SEC14L6: variants seen among roughly 807,000 people sequenced by gnomAD.
SEC14L6 encodes the protein SEC14 like lipid binding 6, also known as SEC14-like protein 6.
SEC14L6 carries 40 observed loss-of-function variants against 54.1 expected under a neutral mutation model. That is an observed-to-expected ratio of 0.74 (90% confidence interval 0.57 to 0.96). The LOEUF is 0.96. Ranked by LOEUF, SEC14L6 falls within the 40% of genes least tolerant of loss-of-function variation. The pLI is 0.00. For missense variants in SEC14L6, 471 were observed against 498.3 expected, an observed-to-expected ratio of 0.95 and a Z score of 0.52; for synonymous variants, 171 against 198.4, an observed-to-expected ratio of 0.86 and a Z score of 1.16.
At chr22:30,529,741 G>T (rs1208997220) in intron 6 of SEC14L6, among the ~76,000 whole-genome samples, 1 of 152,178 alleles carries the variant, frequency 6.6e-6, no homozygotes, top group Non-Finnish European at 1.5e-5. Flanking sequence ...ACCGCACCTG[G>T]CCTAGTGCCG....
chr22:30,540,064 A>G (rs1306889355), intron 1 of SEC14L6, among the ~76,000 whole-genome samples: 5 of 152,228 alleles, frequency 3.3e-5, no homozygotes, highest in Admixed American at 3.3e-4. Context: ...TTTGGGCCCC[A>G]GATGGATCCT....
At chr22:30,542,308 C>G (rs1416719387) in intron 1 of SEC14L6, among the ~76,000 whole-genome samples, 1 of 152,178 alleles carries the variant, frequency 6.6e-6, no homozygotes, top group Non-Finnish European at 1.5e-5. Flanking sequence ...ACCCCCCCAC[C>G]CCCGCGCCTC....
intron 1 of SEC14L6, among the ~76,000 whole-genome samples, chr22:30,542,239 G>A (rs968537452): frequency 6.6e-6 from 1 of 152,166 alleles, no homozygotes; most frequent in African/African-American, 2.4e-5. Flanking sequence ...ACCCCCAAGA[G>A]GGGCCTTCAG....
Position 30,532,721 on chromosome 22 carries a change from C to CATACACAGGAG in SEC14L6, c.235-19_235-9dup, listed in dbSNP as rs1568968293. ...GTTGTACAGCCTGACCACCTGGATGCATACACAGGAGACGGGGGTTCAGTG... is the reference window on the plus strand; with the variant it reads ...GTTGTACAGCCTGACCACCTGGATGCATACACAGGAGATACACAGGAGACGGGGGTTCAGTG... On this transcript the variant is annotated splice_polypyrimidine_tract_variant and intron_variant, in intron 4 of 11. Coordinates refer to ENST00000402034, the MANE Select transcript of SEC14L6 (RefSeq NM_001193336.4). 6.3e-7 allele frequency: 1 copy of CATACACAGGAG among 1,578,834 alleles called. No individual in the cohort carries two copies. The highest frequency in any genetic ancestry group is 1.9e-5 in the Admixed American group (1 of 53,278).
In SEC14L6 at chr22:30,525,011, T is replaced by A; in HGVS notation, c.1180A>T (p.Met394Leu). The A allele has an allele frequency of 6.5e-7, 1 of 1,529,262 alleles. No homozygotes were observed. The highest frequency in any genetic ancestry group is 8.9e-7 in the Non-Finnish European group (1 of 1,127,560). 94.7% of individuals were successfully genotyped at this position (1,529,262 alleles called of 1,614,324 possible). ...ATGAGGTTCACCTAGAATTTCTCCA[T>A]CTTCTCCATGAAGGTTTGGTCTGGG... ...LLPDQTFMEK[M>L]EKF is the part of the protein sequence containing the mutation. The change falls in exon 12 of 12, where the codon ATG becomes TTG. Residue 394 changes from methionine to leucine, a missense_variant. Met to Leu is a conservative substitution (Grantham distance 15). Coordinates refer to ENST00000402034, the MANE Select transcript of SEC14L6 (RefSeq NM_001193336.4).
Position 30,525,366 on chromosome 22 carries a change from G to T in SEC14L6, c.1065C>A (p.Cys355Ter). 6.2e-7 allele frequency: 1 copy of T among 1,614,164 alleles called. No homozygotes were observed. The highest frequency in any genetic ancestry group is 1.3e-5 in the African/African-American group (1 of 75,054). ...AACTCTTACAGCTGCCGGCCTGGAG[G>T]CAGGTGAGAATCCCATCTTCAGGCA... is the stretch of plus-strand genomic sequence containing the variant. ...HMVPEDGILTCLQAGSYVLRF... is the reference protein window; with the variant it reads ...HMVPEDGILT Residue 355 changes from cysteine (C) to a stop codon, truncating the protein, a stop_gained, in exon 11 of 12, where the codon TGC (cysteine) becomes TGA (stop). Coordinates refer to ENST00000402034, the MANE Select transcript of SEC14L6 (RefSeq NM_001193336.4). LOFTEE classifies it high-confidence loss of function.
At position 30,525,866 on chromosome 22, in the gene SEC14L6, G is replaced by A. The variant is rs138934158; in HGVS notation, c.731C>T (p.Thr244Ile). ...GGGGTTGCCATCGGGGTCAGTCATGGTCCCCCCAAACTCCACGGGCAGCTG... is the reference window on the plus strand; with the variant it reads ...GGGGTTGCCATCGGGGTCAGTCATGATCCCCCCAAACTCCACGGGCAGCTG... ...PDQLPVEFGG[T>I]MTDPDGNPKC... is the part of the protein sequence containing the mutation. Residue 244 changes from threonine to isoleucine, a missense_variant, in exon 9 of 12, where the codon ACC (threonine) becomes ATC (isoleucine). By Grantham distance (89) the Thr-to-Ile change is moderately conservative. Coordinates refer to ENST00000402034, the MANE Select transcript of SEC14L6 (RefSeq NM_001193336.4). The A allele has an allele frequency of 8.1e-5, 130 of 1,613,684 alleles. 2 individuals are homozygous for A. The East Asian group carries it at 2.1e-3, about 26-fold the overall frequency.
chr22:30,543,130 G>T, intron 1 of SEC14L6: 1 of 1,603,430 alleles, frequency 6.2e-7, no homozygotes, highest in Non-Finnish European at 8.5e-7. Flanking sequence ...GTTCAAAAAT[G>T]GGAATCAGCT....
At chr22:30,539,086 C>T (rs1399207990) in intron 1 of SEC14L6, among the ~76,000 whole-genome samples, 184 bp from the exon 2 acceptor site, 3 of 152,062 alleles carry the variant, frequency 2.0e-5, no homozygotes, top group African/African-American at 7.2e-5. Flanking sequence ...ATATAAAGAA[C>T]CAACTACAGG....
intron 2 of SEC14L6, 81 bp from the exon 3 acceptor site, chr22:30,534,120 C>T: frequency 7.4e-7 from 1 of 1,350,374 alleles, no homozygotes; most frequent in South Asian, 1.3e-5. Context: ...CCCTGCCCCA[C>T]CCTCCAGGCC....
At chr22:30,544,255 GCCACGGC>G in intron 1 of SEC14L6, 1 of 527,398 alleles carries the variant, frequency 1.9e-6, no homozygotes. Flanking sequence ...CTCTCCAGCA[GCCACGGC>G]CCCCTCTCCC....
chr22:30,527,174 A>G (rs1936805255), intron 8 of SEC14L6, among the ~76,000 whole-genome samples: 1 of 151,782 alleles, frequency 6.6e-6, no homozygotes. Context: ...ACATATCTAT[A>G]TATATGGACT....
At chr22:30,542,056 C>A (rs1483232453) in intron 1 of SEC14L6, among the ~76,000 whole-genome samples, 1 of 152,204 alleles carries the variant, frequency 6.6e-6, no homozygotes, top group Non-Finnish European at 1.5e-5. Context: ...AAAGGGCAGG[C>A]CGGTGGGCGG....
At chr22:30,536,523 C>T (rs1282263165) in intron 2 of SEC14L6, among the ~76,000 whole-genome samples, 3 of 152,126 alleles carry the variant, frequency 2.0e-5, no homozygotes, top group Non-Finnish European at 4.4e-5. Flanking sequence ...TAACCTGGTC[C>T]CCAAACTCTT....
chr22:30,536,747 G>A (rs1032271045), intron 2 of SEC14L6, among the ~76,000 whole-genome samples: 8 of 152,092 alleles, frequency 5.3e-5, no homozygotes, highest in East Asian at 1.9e-4. Flanking sequence ...ATAAATGGCC[G>A]GGCACAGTGG....
chr22:30,537,480 G>A (rs1374423795), intron 2 of SEC14L6, among the ~76,000 whole-genome samples: 2 of 152,268 alleles, frequency 1.3e-5, no homozygotes, highest in South Asian at 2.1e-4. Context: ...TTAGCCAGGC[G>A]TGGTGCCGAG....
In SEC14L6 at chr22:30,529,085, A is replaced by G; in HGVS notation, c.664+2T>C. The G allele has an allele frequency of 6.5e-7, 1 of 1,549,538 alleles. No homozygotes were observed. Among genetic ancestry groups the G allele is most frequent in the South Asian group, 1.2e-5 (1 of 83,968 alleles). ...AAAAGAGGCCGCAGAGGGCTCACTC[A>G]CCTCCGAGAATCACCACCTTCCTGC... On this transcript the variant is annotated splice_donor_variant, in intron 8 of 11. Coordinates refer to ENST00000402034, the MANE Select transcript of SEC14L6 (RefSeq NM_001193336.4). LOFTEE classifies it high-confidence loss of function.
chr22:30,542,839 G>C, intron 1 of SEC14L6: 1 of 1,596,564 alleles, frequency 6.3e-7, no homozygotes. Context: ...CTTCCCCCGG[G>C]TAACAACTGT....
At chr22:30,544,238 T>A (rs887738329) in intron 1 of SEC14L6, 4 of 546,242 alleles carry the variant, frequency 7.3e-6, no homozygotes, top group Non-Finnish European at 9.7e-6. Flanking sequence ...TCCCCACCCC[T>A]CCTTGGCTCT....
Sources: gnomAD v4.1 joint callset for allele counts (sites outside exome capture counted in the v4.1 genomes callset) on GRCh38, gnomAD v4.1.1 for gene constraint, MANE v1.5 for transcripts, NCBI Gene and HGNC (gene_info 2026-07-23, HGNC 2026-07-21) for gene names.